Variants in CSTF3 observed in about 807,000 individuals in gnomAD.
The protein encoded by CSTF3 is cleavage stimulation factor subunit 3.
Under a neutral mutation model 105.8 loss-of-function variants are expected in CSTF3, and 29 were observed. The ratio of observed to expected loss-of-function variants is 0.27; its 90% CI spans 0.20 to 0.37. CSTF3 has a LOEUF of 0.37. CSTF3 is among the 10% of genes least tolerant of loss of function. The pLI, the probability that CSTF3 is intolerant of heterozygous loss-of-function variation, is 1.00. For synonymous variants in CSTF3, 252 were observed against 281.9 expected (o/e 0.89, Z 1.06); for missense variants, 357 against 879.3 (o/e 0.41, Z 7.51).
intron 17 of CSTF3, 122 bp from the exon 18 acceptor site, chr11:33,087,263 C>T (rs1052692315): frequency 2.5e-5 from 25 of 993,670 alleles, no homozygotes; most frequent in Admixed American, 1.1e-4. Context: ...AAAATGGAGA[C>T]GGATAAGCAA....
Position 33,141,952 on chromosome 11 carries a change from G to A in CSTF3, c.62C>T (p.Ala21Val). The A allele has an allele frequency of 6.2e-7, 1 of 1,612,076 alleles. No individual in the cohort carries two copies. Among genetic ancestry groups the A allele is most frequent in the Non-Finnish European group, 8.5e-7 (1 of 1,179,358 alleles). ...TGGATTCTCTTCTAATTTCTTTTCC[G>A]CTTTCTTCACCTTCTCTGGGACATA... Reference protein sequence around the residue: ...AEYVPEKVKKAEKKLEENPYD... With the variant: ...AEYVPEKVKKVEKKLEENPYD... The change falls in exon 2 of 21, where the codon GCG (alanine) becomes GTG (valine). Residue 21 changes from alanine to valine, a missense_variant. Physicochemically the swap from Ala to Val is moderately conservative, Grantham distance 64 (BLOSUM62 0). Coordinates refer to ENST00000323959, the MANE Select transcript of CSTF3 (RefSeq NM_001326.3).
chr11:33,114,896 G>C (rs1050509247), intron 3 of CSTF3, among the ~76,000 whole-genome samples: 1 of 151,992 alleles, frequency 6.6e-6, no homozygotes, highest in Non-Finnish European at 1.5e-5. Context: ...CTCTATAGAG[G>C]AACACCAAGA....
In CSTF3 at chr11:33,092,265, G is replaced by T; in HGVS notation, c.1445+6C>A. On this transcript the variant is annotated splice_donor_region_variant and intron_variant, in intron 16 of 20. Coordinates refer to ENST00000323959, the MANE Select transcript of CSTF3 (RefSeq NM_001326.3). ...ACCTGATCAACAACTTTTCACAATG[G>T]CTTACCCAGACTTCTCAGGAGGAAG... 2 of 1,587,472 alleles carry T rather than the reference G, an allele frequency of 1.3e-6. No individual in the cohort carries two copies. The highest frequency in any genetic ancestry group is 1.8e-5 in the Admixed American group (1 of 54,722).
At chr11:33,104,777 AC>A (rs1355883511) in intron 8 of CSTF3, among the ~76,000 whole-genome samples, 5 of 152,156 alleles carry the variant, frequency 3.3e-5, no homozygotes, top group Non-Finnish European at 5.9e-5. Flanking sequence ...AAAAATAAAA[AC>A]AAAAAATTCT....
In CSTF3 at chr11:33,155,056, T is replaced by TA. The variant is rs1001320127; in HGVS notation, c.27+6242dup. On this transcript the variant is annotated intron_variant, in intron 1 of 20. Transcript: ENST00000323959. The stretch of plus-strand genomic sequence containing the variant: ...TAAACATACAAACAACTCAAAAACT[T>TA]AAAAAAAAAAAGATCTTGGGCCGGG... Among the ~76,000 whole-genome samples the TA allele has an allele frequency of 6.4e-3, 925 of 144,832 alleles. 8 individuals carry two copies. Among genetic ancestry groups the TA allele is most frequent in the African/African-American group, 0.021 (847 of 39,602 alleles).
chr11:33,128,103 T>C (rs1442592785), intron 3 of CSTF3, among the ~76,000 whole-genome samples: 2 of 152,206 alleles, frequency 1.3e-5, no homozygotes, highest in African/African-American at 2.4e-5. Context: ...GATTCCCATT[T>C]AGTAAAAACA....
chr11:33,147,079 C>T (rs1258886881), intron 1 of CSTF3, among the ~76,000 whole-genome samples: 2 of 151,142 alleles, frequency 1.3e-5, no homozygotes, highest in African/African-American at 2.4e-5. Context: ...CTGCTTGAGG[C>T]CAGAAGTTCA....
At chr11:33,111,121 T>G (rs540228435) in intron 3 of CSTF3, among the ~76,000 whole-genome samples, 1 of 152,096 alleles carries the variant, frequency 6.6e-6, no homozygotes, top group Non-Finnish European at 1.5e-5. Flanking sequence ...TCCCAGCTAC[T>G]CGGGAGGCTG....
intron 1 of CSTF3, chr11:33,156,693 T>C (rs1849870331): frequency 4.4e-6 from 2 of 453,782 alleles, no homozygotes; most frequent in South Asian, 1.6e-5. Flanking sequence ...AGGTGAAATA[T>C]GGCTGGACTC....
At chr11:33,146,173 G>A (rs1855780313) in intron 1 of CSTF3, among the ~76,000 whole-genome samples, 1 of 151,936 alleles carries the variant, frequency 6.6e-6, no homozygotes, top group Non-Finnish European at 1.5e-5. Flanking sequence ...AGGCAGCAGA[G>A]GTTGCAGTAA....
At chr11:33,090,763 T>C in intron 16 of CSTF3, 36 bp from the exon 17 acceptor site, 9 of 1,449,434 alleles carry the variant, frequency 6.2e-6, no homozygotes, top group Non-Finnish European at 8.3e-6. Flanking sequence ...ACTTTAATTA[T>C]TCTGGGTTTA....
intron 3 of CSTF3, chr11:33,141,069 A>G (rs996074904): frequency 6.6e-6 from 1 of 152,124 alleles, no homozygotes; most frequent in Non-Finnish European, 1.5e-5. Context: ...AAAAAATATC[A>G]AAGTATCATT....
intron 3 of CSTF3, among the ~76,000 whole-genome samples, chr11:33,114,786 G>A (rs573274044): frequency 6.6e-6 from 1 of 152,164 alleles, no homozygotes; most frequent in Non-Finnish European, 1.5e-5. Flanking sequence ...GGGAGGTGGA[G>A]GATGCAGTGA....
At chr11:33,156,724 T>C (rs1849870801) in intron 1 of CSTF3, 1 of 453,920 alleles carries the variant, frequency 2.2e-6, no homozygotes, top group Admixed American at 2.4e-5. Flanking sequence ...TCCAACAGTT[T>C]GGAAGGCTGA....
intron 5 of CSTF3, among the ~76,000 whole-genome samples, chr11:33,106,415 C>G (rs1855326002): frequency 6.6e-6 from 1 of 151,426 alleles, no homozygotes; most frequent in Admixed American, 6.6e-5. Flanking sequence ...GACCCTGTCT[C>G]TAAAAAAAAT....
chr11:33,087,000 G>A lies in CSTF3; in HGVS notation c.1783C>T (p.Arg595Ter). 2 of 1,614,038 alleles carry A rather than the reference G, an allele frequency of 1.2e-6. No individual in the cohort carries two copies. Among genetic ancestry groups the A allele is most frequent in the Non-Finnish European group, 1.7e-6 (2 of 1,179,970 alleles). Residue 595 changes from arginine (R) to a stop codon, truncating the protein, a stop_gained, in exon 18 of 21, where the codon CGA becomes TGA. Coordinates refer to ENST00000323959, the MANE Select transcript of CSTF3 (RefSeq NM_001326.3). LOFTEE classifies it high-confidence loss of function. ...AGTCATGGCTTACGTGCTAAATGTC[G>A]TGGCTGAAATGGAATCATCTGCTGA... Reference protein sequence around the residue: ...DTQQMIPFQPRHLAPPGLHPV... With the variant: ...DTQQMIPFQP
chr11:33,133,251 G>GA (rs1855619255), intron 3 of CSTF3, among the ~76,000 whole-genome samples: 1 of 152,104 alleles, frequency 6.6e-6, no homozygotes, highest in Non-Finnish European at 1.5e-5. Flanking sequence ...TAATTCCATG[G>GA]AAAAATATCA....
Position 33,099,482 on chromosome 11 carries a change from ATGAACG to A in CSTF3, c.936+120_936+125del. On this transcript the variant is annotated intron_variant, in intron 11 of 20. Transcript: ENST00000323959. The surrounding 1 kb of genome is among the most constrained non-coding windows in gnomAD (Gnocchi z 4.1). ...TTATATGAGTGTCACTAAGATTCAT[ATGAACG>A]TAAACTTAAATTTTCAATACTTATG... 8.5e-6 allele frequency: 6 copies of A among 703,948 alleles called. No homozygotes were observed. Among genetic ancestry groups the A allele is most frequent in the Non-Finnish European group, 1.4e-5 (6 of 421,416 alleles). 43.6% of individuals were successfully genotyped at this position (703,948 alleles called of 1,614,324 possible).
chr11:33,100,844 A>G (rs931415259), intron 10 of CSTF3, among the ~76,000 whole-genome samples: 6 of 152,224 alleles, frequency 3.9e-5, no homozygotes, highest in African/African-American at 1.4e-4. Flanking sequence ...ATATTTGCAA[A>G]GACCTGCAAG....
Sources: gnomAD v4.1 joint callset for allele counts (sites outside exome capture counted in the v4.1 genomes callset) on GRCh38, gnomAD v4.1.1 for gene constraint, Gnocchi (gnomAD v3.1) non-coding constraint, MANE v1.5 for transcripts, NCBI Gene and HGNC (gene_info 2026-07-23, HGNC 2026-07-21) for gene names.